SNTG1: variants seen among roughly 807,000 people sequenced by gnomAD.
SNTG1 encodes syntrophin gamma 1, also known as gamma-1-syntrophin.
A neutral mutation model predicts 74.7 loss-of-function variants in SNTG1; 39 were observed. The observed-to-expected ratio is 0.52, with a 90% CI of 0.40 to 0.68. SNTG1 has a LOEUF of 0.68. Ranked by LOEUF, SNTG1 falls within the 30% of genes least tolerant of loss-of-function variation. SNTG1 has a pLI of 0.00. For synonymous variants in SNTG1, 254 were observed against 217.1 expected (o/e 1.17, Z -1.49); for missense variants, 685 against 609.5 (o/e 1.12, Z -1.30).
At chr8:50,076,387 A>G (rs577483037) in intron 1 of SNTG1, among the ~76,000 whole-genome samples, 1 of 152,214 alleles carries the variant, frequency 6.6e-6, no homozygotes, top group Non-Finnish European at 1.5e-5. Flanking sequence ...TGGACAATGT[A>G]GGTTCTATAA....
chr8:50,501,425 GTTTTTTTTTTTTTTTT>G (rs59123896), intron 8 of SNTG1, among the ~76,000 whole-genome samples: 12 of 57,098 alleles, frequency 2.1e-4, no homozygotes, highest in African/African-American at 3.9e-4. Context: ...GAGCCTGTGC[GTTTTTTTTTTTTTTTT>G]TTTTTTTTTT....
In SNTG1 at chr8:50,581,074, GCT is replaced by G. The variant is rs1406597750; in HGVS notation, c.811-9803_811-9802del. ...CATTTCAAATTTACATTTTTAAAAT[GCT>G]CCTGTAGAAACAATAGGTGCATATA... is the stretch of plus-strand genomic sequence containing the variant. On this transcript the variant is annotated intron_variant, in intron 12 of 18. Coordinates refer to ENST00000642720, the MANE Select transcript of SNTG1 (RefSeq NM_018967.5). 2.6e-5 allele frequency among the ~76,000 whole-genome samples: 4 copies of G among 152,168 alleles called. No individual in the cohort carries two copies. In the East Asian group the frequency reaches 7.7e-4, roughly 29 times the overall value.
intron 15 of SNTG1, among the ~76,000 whole-genome samples, chr8:50,691,348 G>A (rs921660814): frequency 6.6e-6 from 1 of 152,142 alleles, no homozygotes; most frequent in Non-Finnish European, 1.5e-5. Context: ...TAGCCTTGAT[G>A]GTCTTTACAA....
chr8:50,598,462 A>T (rs76584095), intron 13 of SNTG1, among the ~76,000 whole-genome samples: 4,688 of 152,040 alleles, frequency 0.031, 117 homozygotes, highest in African/African-American at 0.055. Context: ...TGCCAGAACC[A>T]TACATTTTAT....
chr8:50,195,350 T>A (rs763586650), intron 2 of SNTG1, among the ~76,000 whole-genome samples: 45 of 151,800 alleles, frequency 3.0e-4, no homozygotes, highest in Non-Finnish European at 5.9e-4. Context: ...CTTGAAAACT[T>A]GCCCCGGGAT....
intron 1 of SNTG1, among the ~76,000 whole-genome samples, chr8:50,115,350 T>A (rs1458746006): frequency 6.6e-6 from 1 of 151,670 alleles, no homozygotes; most frequent in East Asian, 2.0e-4. Context: ...GTGGATCACC[T>A]GAGGTCAGGA....
intron 1 of SNTG1, among the ~76,000 whole-genome samples, chr8:49,922,526 C>T (rs1806642655): frequency 6.6e-6 from 1 of 151,968 alleles, no homozygotes; most frequent in Admixed American, 6.6e-5. Context: ...GTCACTGAGC[C>T]TTTGTGAAGC....
intron 2 of SNTG1, among the ~76,000 whole-genome samples, chr8:50,200,994 G>T (rs1196341359): frequency 6.6e-6 from 1 of 151,870 alleles, no homozygotes; most frequent in African/African-American, 2.4e-5. Flanking sequence ...TCAAAGGAGG[G>T]GCTCATTCAT....
intron 2 of SNTG1, among the ~76,000 whole-genome samples, chr8:50,271,135 T>C (rs1171299988): frequency 6.6e-6 from 1 of 152,142 alleles, no homozygotes; most frequent in Non-Finnish European, 1.5e-5. Flanking sequence ...CTGGCAAACG[T>C]GATTAAGGGA....
intron 1 of SNTG1, among the ~76,000 whole-genome samples, chr8:50,020,908 T>C (rs1261939899): frequency 6.6e-6 from 1 of 152,186 alleles, no homozygotes; most frequent in African/African-American, 2.4e-5. Context: ...ATAAATGGAT[T>C]CTTCATCCTA....
At chr8:50,554,726 G>A (rs1313110024) in intron 12 of SNTG1, among the ~76,000 whole-genome samples, 2 of 152,076 alleles carry the variant, frequency 1.3e-5, no homozygotes, top group Admixed American at 1.3e-4. Flanking sequence ...TGTTTCTCTA[G>A]GGATTGTTTC....
At chr8:50,001,971 G>A (rs926034577) in intron 1 of SNTG1, among the ~76,000 whole-genome samples, 6 of 152,130 alleles carry the variant, frequency 3.9e-5, no homozygotes, top group East Asian at 1.9e-4. Flanking sequence ...TAAAGCTGAC[G>A]AATCAGGCTG....
intron 1 of SNTG1, among the ~76,000 whole-genome samples, chr8:50,081,271 C>T (rs1460317740): frequency 2.3e-5 from 1 of 42,724 alleles, no homozygotes; most frequent in Non-Finnish European, 4.6e-5. Flanking sequence ...ATTTTTTTGT[C>T]TGTTATTTCT....
chr8:50,552,998 A>C lies in SNTG1; in HGVS notation c.681-52A>C, dbSNP rs1425417962. 21 of 1,605,348 alleles carry C rather than the reference A, an allele frequency of 1.3e-5. 1 individual carries two copies. In the South Asian group the frequency reaches 1.4e-4, roughly 11 times the overall value. On this transcript the variant is annotated intron_variant, in intron 11 of 18. Coordinates refer to ENST00000642720, the MANE Select transcript of SNTG1 (RefSeq NM_018967.5). ...TTCAACAGATACTATTACGAGCTGC[A>C]AATAGATCAATGACATGAGGTTTTG...
chr8:50,426,276 G>C (rs538096791), intron 4 of SNTG1, among the ~76,000 whole-genome samples: 1 of 152,148 alleles, frequency 6.6e-6, no homozygotes, highest in East Asian at 1.9e-4. Context: ...GAATTCATTT[G>C]TTATTGCTTT....
chr8:50,469,672 A>T (rs932371793), intron 8 of SNTG1, among the ~76,000 whole-genome samples: 1 of 152,090 alleles, frequency 6.6e-6, no homozygotes, highest in Non-Finnish European at 1.5e-5. Context: ...CTTGTCATTC[A>T]GACCTTAGAT....
At chr8:50,193,364 G>A (rs1464713377) in intron 2 of SNTG1, among the ~76,000 whole-genome samples, 2 of 151,738 alleles carry the variant, frequency 1.3e-5, no homozygotes, top group African/African-American at 2.4e-5. Context: ...AAGTCTTTAG[G>A]CTCCTTAGGT....
chr8:50,413,946 C>T (rs1231520473), intron 4 of SNTG1, among the ~76,000 whole-genome samples: 1 of 152,178 alleles, frequency 6.6e-6, no homozygotes, highest in African/African-American at 2.4e-5. Flanking sequence ...TAGTATTTTA[C>T]ATCACGATTA....
chr8:50,336,483 T>C (rs1175454613), intron 2 of SNTG1, among the ~76,000 whole-genome samples: 2 of 152,204 alleles, frequency 1.3e-5, no homozygotes, highest in Non-Finnish European at 2.9e-5. Context: ...TTCTAGATTG[T>C]CTAAACCAGA....
Sources: allele counts gnomAD v4.1 joint callset (sites outside exome capture counted in the v4.1 genomes callset), GRCh38; gene constraint gnomAD v4.1.1; transcripts MANE v1.5; gene names NCBI Gene and HGNC (gene_info 2026-07-23, HGNC 2026-07-21).